The following ALK variants were observed in gnomAD, a reference collection of about 807,000 sequenced individuals.
The protein encoded by ALK is ALK receptor tyrosine kinase.
In ALK, 74 loss-of-function variants were observed where a neutral mutation model predicts 163.1. The observed-to-expected ratio is 0.45, with a 90% CI of 0.38 to 0.55. The LOEUF is 0.55. Among genes scored for constraint, ALK ranks in the 20% least tolerant of loss-of-function variants. The probability of loss-of-function intolerance (pLI) is 0.00; values close to 1 mark genes in which losing one functional copy is unlikely to be tolerated. For missense variants in ALK, 2,063 were observed against 2,105.3 expected, an observed-to-expected ratio of 0.98 and a Z score of 0.39; for synonymous variants, 960 against 843.2, an observed-to-expected ratio of 1.14 and a Z score of -2.40.
intron 1 of ALK, among the ~76,000 whole-genome samples, chr2:29,919,053 C>T (rs1445708818): frequency 6.6e-6 from 1 of 152,124 alleles, no homozygotes; most frequent in East Asian, 1.9e-4. Context: ...AGTGCCTGCA[C>T]ACACACACAC....
chr2:29,850,987 C>A (rs1202640124), intron 1 of ALK, among the ~76,000 whole-genome samples: 1 of 152,224 alleles, frequency 6.6e-6, no homozygotes, highest in Non-Finnish European at 1.5e-5. Context: ...TCTCACCCAG[C>A]TTCTCAATCC....
At chr2:29,719,678 A>T (rs1361832433) in intron 1 of ALK, among the ~76,000 whole-genome samples, 5 of 152,152 alleles carry the variant, frequency 3.3e-5, no homozygotes, top group Non-Finnish European at 5.9e-5. Context: ...AGTTACCTTG[A>T]CTACAGCCAC....
chr2:29,868,444 A>G (rs892158447), intron 1 of ALK, among the ~76,000 whole-genome samples: 5 of 152,212 alleles, frequency 3.3e-5, no homozygotes, highest in Non-Finnish European at 4.4e-5. Context: ...ACTATATTGC[A>G]TGTGAGATGA....
intron 19 of ALK, chr2:29,224,876 C>T (rs1386110962): frequency 2.3e-5 from 5 of 220,236 alleles, no homozygotes; most frequent in African/African-American, 1.1e-4. Flanking sequence ...GCCTTTCCCT[C>T]TGCCCTTTTC....
At chr2:29,559,384 C>T (rs147325841) in intron 3 of ALK, among the ~76,000 whole-genome samples, 132 of 152,342 alleles carry the variant, frequency 8.7e-4, no homozygotes, top group African/African-American at 2.6e-3. Context: ...CAGCCCCAAA[C>T]GTCTGCCCAG....
intron 4 of ALK, among the ~76,000 whole-genome samples, chr2:29,524,626 A>G (rs186403212): frequency 1.1e-4 from 17 of 152,374 alleles, no homozygotes; most frequent in African/African-American, 4.1e-4. Context: ...CTGTACAGAT[A>G]TTTACCATGA....
chr2:29,649,254 G>A (rs1027717554), intron 3 of ALK, among the ~76,000 whole-genome samples: 2 of 150,030 alleles, frequency 1.3e-5, no homozygotes, highest in Non-Finnish European at 1.5e-5. Flanking sequence ...AAGTGCGTGC[G>A]TGTGTGTGTG....
intron 5 of ALK, among the ~76,000 whole-genome samples, chr2:29,354,750 T>C (rs1312148369): frequency 6.6e-6 from 1 of 151,632 alleles, no homozygotes; most frequent in Non-Finnish European, 1.5e-5. Flanking sequence ...TCTTACCACA[T>C]GCCCACTTTT....
At chr2:29,890,338 AC>A (rs1667111944) in intron 1 of ALK, 1 of 152,216 alleles carries the variant, frequency 6.6e-6, no homozygotes, top group Non-Finnish European at 1.5e-5. Flanking sequence ...GCCTGAATCC[AC>A]CAATGCCTTT....
chr2:29,837,359 G>A (rs1665589357), intron 1 of ALK, among the ~76,000 whole-genome samples: 1 of 151,116 alleles, frequency 6.6e-6, no homozygotes, highest in South Asian at 2.1e-4. Flanking sequence ...AGAAAGAAGG[G>A]AGCAGTGCAA....
At chr2:29,253,884 ATAGATAGATAGG>A (rs777768410) in intron 11 of ALK, among the ~76,000 whole-genome samples, 298 of 142,438 alleles carry the variant, frequency 2.1e-3, no homozygotes, top group African/African-American at 8.7e-3. Flanking sequence ...AGATAGATAG[ATAGATAGATAGG>A]TAGATAGCTG....
At chr2:29,471,434 A>C (rs904628080) in intron 4 of ALK, among the ~76,000 whole-genome samples, 14 of 152,244 alleles carry the variant, frequency 9.2e-5, no homozygotes, top group Admixed American at 6.5e-5. Flanking sequence ...AATAGGTAAT[A>C]CATCACAAAA....
At chr2:29,517,674 G>T (rs1446360610) in intron 4 of ALK, among the ~76,000 whole-genome samples, 1 of 152,136 alleles carries the variant, frequency 6.6e-6, no homozygotes. Context: ...GATGATAAAA[G>T]AATTATCTCA....
At chr2:29,808,743 T>A (rs1664679326) in intron 1 of ALK, among the ~76,000 whole-genome samples, 1 of 152,204 alleles carries the variant, frequency 6.6e-6, no homozygotes, top group African/African-American at 2.4e-5. Context: ...CAGCCCAGCA[T>A]GACCAGCATA....
intron 4 of ALK, among the ~76,000 whole-genome samples, chr2:29,404,024 C>A (rs568530101): frequency 6.6e-6 from 1 of 151,970 alleles, no homozygotes; most frequent in South Asian, 2.1e-4. Context: ...GAGTTGTAGG[C>A]CGGGCATGTT....
intron 11 of ALK, among the ~76,000 whole-genome samples, chr2:29,272,313 T>C (rs1303755230): frequency 6.6e-6 from 1 of 152,228 alleles, no homozygotes; most frequent in Non-Finnish European, 1.5e-5. Context: ...GACTTAATAC[T>C]TGCCCCATTT....
At chr2:29,469,428 C>T (rs1005332733) in intron 4 of ALK, among the ~76,000 whole-genome samples, 6 of 152,198 alleles carry the variant, frequency 3.9e-5, no homozygotes, top group Non-Finnish European at 7.3e-5. Flanking sequence ...TAAGGGCCCA[C>T]TTGCATTTAT....
intron 2 of ALK, 115 bp downstream of exon 2, chr2:29,717,463 T>C: frequency 1.6e-6 from 2 of 1,281,888 alleles, no homozygotes; most frequent in Non-Finnish European, 2.3e-6. Context: ...TTCTTTTGCA[T>C]ATAGGGAGCT....
chr2:29,820,713 T>C lies in ALK; in HGVS notation c.667+99280A>G, dbSNP rs139055461. ...GACTCTGGAGCCTGGAAGTGCTGGGTCTGACCCTGGCTTTGCCACTGACTG... is the reference window on the plus strand; with the variant it reads ...GACTCTGGAGCCTGGAAGTGCTGGGCCTGACCCTGGCTTTGCCACTGACTG... On this transcript the variant is annotated intron_variant, in intron 1 of 28. Transcript: ENST00000389048. Among the ~76,000 whole-genome samples the C allele has an allele frequency of 2.0e-5, 3 of 152,334 alleles. No homozygotes were observed. The East Asian group carries it at 5.8e-4, about 29-fold the overall frequency.
Sources: gnomAD v4.1 joint callset for allele counts (sites outside exome capture counted in the v4.1 genomes callset) on GRCh38, gnomAD v4.1.1 for gene constraint, MANE v1.5 for transcripts, NCBI Gene and HGNC (gene_info 2026-07-23, HGNC 2026-07-21) for gene names.